MCF2L: variants seen among roughly 807,000 people sequenced by gnomAD.
The protein encoded by MCF2L is guanine nucleotide exchange factor DBS.
Under a neutral mutation model 153.4 loss-of-function variants are expected in MCF2L, and 97 were observed. The ratio of observed to expected loss-of-function variants is 0.63; its 90% CI spans 0.54 to 0.75. MCF2L has a LOEUF of 0.75. Ranked by LOEUF, MCF2L falls within the 30% of genes least tolerant of loss-of-function variation. The pLI is 0.00. For synonymous variants in MCF2L, 659 were observed against 632.2 expected, an observed-to-expected ratio of 1.04 and a Z score of -0.64; for missense variants, 1,347 against 1,495.2, an observed-to-expected ratio of 0.90 and a Z score of 1.64.
chr13:112,941,074 T>G lies in MCF2L; in HGVS notation c.169+38703T>G, dbSNP rs1203125989. Among the ~76,000 whole-genome samples, 1 of 152,204 alleles carries G rather than the reference T, an allele frequency of 6.6e-6. No individual in the cohort carries two copies. The highest frequency in any genetic ancestry group is 1.5e-5 in the Non-Finnish European group (1 of 68,026). ...AGCCCCGCTGCATCTGGCACCACCA[T>G]AGGGAGCATATTTTTACCATCTTTT... On this transcript the variant is annotated intron_variant, in intron 2 of 29. Transcript: ENST00000375608. The surrounding 1 kb of genome is among the most constrained non-coding windows in gnomAD (Gnocchi z 4.9).
chr13:113,085,171 T>C lies in MCF2L; in HGVS notation c.2240T>C (p.Leu747Pro). The C allele has an allele frequency of 6.2e-7, 1 of 1,613,298 alleles. No homozygotes were observed. Among genetic ancestry groups the C allele is most frequent in the Non-Finnish European group, 8.5e-7 (1 of 1,179,926 alleles). Reference sequence around the variant, plus strand: ...CAGAGGATCACCAAGTACCAGCTGCTGCTCAAGGTGGGCTCCGCGGTGACC... The same window carrying C: ...CAGAGGATCACCAAGTACCAGCTGCCGCTCAAGGTGGGCTCCGCGGTGACC... ...PVQRITKYQL[L>P]LKEMLKYSRN... The change falls in exon 20 of 30, where the codon CTG (leucine) becomes CCG (proline). Residue 747 changes from leucine (L) to proline (P), a missense_variant. Coordinates refer to ENST00000535094, the MANE Select transcript of MCF2L (RefSeq NM_001112732.3).
At chr13:112,917,248 G>A (rs1033893407) in intron 2 of MCF2L, 1 of 462,682 alleles carries the variant, frequency 2.2e-6, no homozygotes, top group South Asian at 1.6e-5. Flanking sequence ...GCATCCTACA[G>A]GTCTCCCAGA....
chr13:112,939,253 GGT>G (rs1185301403), intron 2 of MCF2L, among the ~76,000 whole-genome samples: 3 of 152,216 alleles, frequency 2.0e-5, no homozygotes, highest in Non-Finnish European at 4.4e-5. Flanking sequence ...GCCTCCGGCA[GGT>G]TTCTCAGCCT....
intron 3 of MCF2L, chr13:113,040,679 A>G (rs894463425): frequency 6.6e-6 from 1 of 152,664 alleles, no homozygotes; most frequent in Non-Finnish European, 1.5e-5. Flanking sequence ...GCCCTGGGAC[A>G]AAGCATCCTC....
intron 1 of MCF2L, among the ~76,000 whole-genome samples, chr13:112,973,057 G>A (rs567947078): frequency 1.2e-4 from 19 of 152,004 alleles, no homozygotes; most frequent in South Asian, 6.2e-4. Context: ...GGGGGGACGC[G>A]CCCAGGAGGC....
At position 113,097,972 on chromosome 13, in the gene MCF2L, C is replaced by T. The variant is rs1394080842; in HGVS notation, c.*1113C>T. On this transcript the variant is annotated 3_prime_UTR_variant, in exon 30 of 30. Coordinates refer to ENST00000535094, the MANE Select transcript of MCF2L (RefSeq NM_001112732.3). ...AAGTCACAGCAGAACTGGAAAAAAA[C>T]TCTTCTGTTTTACCAACTTCTTGTG... The T allele has an allele frequency of 6.6e-6, 1 of 152,224 alleles. No homozygotes were observed. Among genetic ancestry groups the T allele is most frequent in the Non-Finnish European group, 1.5e-5 (1 of 68,034 alleles). The allele number at this position is 152,224 out of a possible 1,614,324, so 9.4% of individuals were successfully genotyped here. A position where few individuals can be genotyped will look rare whatever the true frequency, so the allele number is the denominator to read the frequency against.
chr13:113,086,809 A>T (rs2034678535), intron 21 of MCF2L, among the ~76,000 whole-genome samples: 1 of 152,092 alleles, frequency 6.6e-6, no homozygotes, highest in South Asian at 2.1e-4. Context: ...AATTGAGTAT[A>T]AATCAGAGGC....
chr13:112,956,640 A>C (rs937216581), intron 2 of MCF2L: 3 of 152,298 alleles, frequency 2.0e-5, no homozygotes, highest in Non-Finnish European at 4.4e-5. Context: ...CTGCTGGGAC[A>C]GTGGCCGGAT....
intron 2 of MCF2L, among the ~76,000 whole-genome samples, chr13:113,017,142 C>T (rs1485107081): frequency 1.3e-5 from 2 of 152,240 alleles, no homozygotes; most frequent in East Asian, 1.9e-4. Flanking sequence ...CCAATCGCCC[C>T]GTCCCCTCCT....
chr13:113,051,099 G>C (rs2087282980), intron 4 of MCF2L, among the ~76,000 whole-genome samples: 1 of 152,194 alleles, frequency 6.6e-6, no homozygotes, highest in South Asian at 2.1e-4. Context: ...GCAAGCACCT[G>C]CCCAGGTGAG....
chr13:113,031,187 CAGAG>C lies in MCF2L; in HGVS notation c.278+6433_278+6436del, dbSNP rs1041023301. Among the ~76,000 whole-genome samples, 3 of 146,710 alleles carry C rather than the reference CAGAG, an allele frequency of 2.0e-5. No individual in the cohort carries two copies. Among genetic ancestry groups the C allele is most frequent in the South Asian group, 2.2e-4 (1 of 4,536 alleles). ...AGAGACAGAGAGTGACAGACAGAGACAGAGAGACAGAGACAGACAGAGACAGAGA... is the reference window on the plus strand; with the variant it reads ...AGAGACAGAGAGTGACAGACAGAGACAGACAGAGACAGACAGAGACAGAGA... On this transcript the variant is annotated intron_variant, in intron 3 of 29. Transcript: ENST00000535094. The surrounding 1 kb of genome is among the most constrained non-coding windows in gnomAD (Gnocchi z 5.5).
intron 2 of MCF2L, among the ~76,000 whole-genome samples, chr13:112,924,873 T>C (rs1338258297): frequency 6.6e-6 from 1 of 151,938 alleles, no homozygotes; most frequent in African/African-American, 2.4e-5. Flanking sequence ...GATCCTGGCA[T>C]AAGAACAAGG....
intron 2 of MCF2L, among the ~76,000 whole-genome samples, chr13:112,924,222 C>A (rs1425527838): frequency 6.6e-6 from 1 of 152,084 alleles, no homozygotes; most frequent in East Asian, 1.9e-4. Flanking sequence ...CTCCCCACAA[C>A]CCCCCCACGA....
intron 2 of MCF2L, among the ~76,000 whole-genome samples, chr13:112,937,304 C>G (rs2081524965): frequency 6.6e-6 from 1 of 152,228 alleles, no homozygotes; most frequent in South Asian, 2.1e-4. Context: ...ATCTGCCCAC[C>G]TCAGCCTCCC....
At chr13:113,038,942 C>T (rs2086313189) in intron 3 of MCF2L, among the ~76,000 whole-genome samples, 1 of 152,212 alleles carries the variant, frequency 6.6e-6, no homozygotes. Context: ...ACTGCAAGCG[C>T]CGCCTCCCGG....
intron 1 of MCF2L, 26 bp from the exon 2 acceptor site, chr13:113,014,737 A>G (rs758016654): frequency 1.2e-6 from 2 of 1,606,228 alleles, no homozygotes; most frequent in Non-Finnish European, 1.7e-6. Flanking sequence ...TGGGACTGAC[A>G]CGTGCCGTCT....
rs11839728 is a variant in MCF2L at position 112,983,547 on chromosome 13, G to A, written c.79+14089G>A. Among the ~76,000 whole-genome samples the A allele has an allele frequency of 0.015, 2,256 of 152,334 alleles. 63 individuals are homozygous for A. Among genetic ancestry groups the A allele is most frequent in the African/African-American group, 0.052 (2,160 of 41,574 alleles). ...CTGCAGGTTCCCATCTCCAAAGCCC[G>A]TGGTGCTGGGCACGGCAGAGCCGTA... is the stretch of plus-strand genomic sequence containing the variant. On this transcript the variant is annotated intron_variant, in intron 1 of 29. Coordinates refer to ENST00000535094, the MANE Select transcript of MCF2L (RefSeq NM_001112732.3). The surrounding 1 kb of genome is among the most constrained non-coding windows in gnomAD (Gnocchi z 4.0).
At chr13:113,096,062 A>C in intron 27 of MCF2L, 1 of 504,698 alleles carries the variant, frequency 2.0e-6, no homozygotes, top group Non-Finnish European at 3.5e-6. Context: ...AAAGCACGGA[A>C]GGGCCCTCCG....
At position 113,027,879 on chromosome 13, in the gene MCF2L, G is replaced by A. The variant is rs967964678; in HGVS notation, c.278+3121G>A. Among the ~76,000 whole-genome samples the A allele has an allele frequency of 2.0e-5, 3 of 152,228 alleles. No individual in the cohort carries two copies. The highest frequency in any genetic ancestry group is 4.8e-5 in the African/African-American group (2 of 41,444). On this transcript the variant is annotated intron_variant, in intron 3 of 29. Coordinates refer to ENST00000535094, the MANE Select transcript of MCF2L (RefSeq NM_001112732.3). The surrounding 1 kb of genome is among the most constrained non-coding windows in gnomAD (Gnocchi z 4.8). Reference sequence around the variant, plus strand: ...CGAGGACGTAGGCTCCAGGTGTGCTGTGGCCAGAGGGGTGTCCTGGGGAGG... The same window carrying A: ...CGAGGACGTAGGCTCCAGGTGTGCTATGGCCAGAGGGGTGTCCTGGGGAGG...
Sources: gnomAD v4.1 joint callset for allele counts (sites outside exome capture counted in the v4.1 genomes callset) on GRCh38, gnomAD v4.1.1 for gene constraint, Gnocchi (gnomAD v3.1) non-coding constraint, MANE v1.5 for transcripts, NCBI Gene and HGNC (gene_info 2026-07-23, HGNC 2026-07-21) for gene names.